TENM3: variants seen among roughly 807,000 people sequenced by gnomAD.
The protein encoded by TENM3 is teneurin transmembrane protein 3, also known as teneurin-3.
Under a neutral mutation model 255.1 loss-of-function variants are expected in TENM3, and 63 were observed. The ratio of observed to expected loss-of-function variants is 0.25; its 90% CI spans 0.20 to 0.30. TENM3 has a LOEUF of 0.30. Among genes scored for constraint, TENM3 ranks in the 10% least tolerant of loss-of-function variants. The pLI is 1.00. For missense variants in TENM3, 2,929 were observed against 3,461.1 expected (o/e 0.85, Z 3.86); for synonymous variants, 1,306 against 1,322.3 (o/e 0.99, Z 0.27).
Position 182,627,821 on chromosome 4 carries a change from A to G in TENM3, c.750-830A>G, listed in dbSNP as rs574040843. ...TACAGTGCTCTTGTCATGTGACCAC[A>G]CAATTTCTGCTTAAACATTGTCAAG... On this transcript the variant is annotated intron_variant, in intron 4 of 27. Coordinates refer to ENST00000511685, the MANE Select transcript of TENM3 (RefSeq NM_001080477.4). 5.9e-5 allele frequency among the ~76,000 whole-genome samples: 9 copies of G among 152,234 alleles called. No individual in the cohort carries two copies. The South Asian group carries it at 1.9e-3, about 32-fold the overall frequency.
chr4:181,579,397 GA>G, the TENM3 span, among the ~76,000 whole-genome samples: 1 of 152,120 alleles, frequency 6.6e-6, no homozygotes. Flanking sequence ...TGTAATTTAA[GA>G]AATCCTAGGA....
At chr4:182,233,394 A>G (rs1756700748) in intron 1 of TENM3, among the ~76,000 whole-genome samples, 5 of 152,208 alleles carry the variant, frequency 3.3e-5, no homozygotes, top group Admixed American at 3.3e-4. Context: ...AACCTGACCG[A>G]CGTATGCTAC....
the TENM3 span, chr4:181,522,635 T>G: frequency 1.8e-6 from 1 of 564,428 alleles, no homozygotes; most frequent in South Asian, 1.7e-5. Context: ...TCTCCAACTA[T>G]GTTGTAGCCA....
At chr4:182,560,763 A>G (rs1743081044) in intron 3 of TENM3, among the ~76,000 whole-genome samples, 2 of 152,342 alleles carry the variant, frequency 1.3e-5, no homozygotes, top group Non-Finnish European at 1.5e-5. Flanking sequence ...GTAGGACATC[A>G]TAAATGAACA....
At chr4:181,844,416 C>T in the TENM3 span, among the ~76,000 whole-genome samples, 37 of 152,146 alleles carry the variant, frequency 2.4e-4, no homozygotes, top group South Asian at 7.3e-3. Context: ...CGCCTGTAAT[C>T]CCAGCACTTT....
chr4:181,557,198 T>C, the TENM3 span, among the ~76,000 whole-genome samples: 2 of 152,108 alleles, frequency 1.3e-5, no homozygotes, highest in Non-Finnish European at 2.9e-5. Flanking sequence ...TAGGTAAAAA[T>C]GTGGAGGAGT....
At position 182,448,995 on chromosome 4, in the gene TENM3, C is replaced by T. The variant is rs1407027659; in HGVS notation, c.511+102066C>T. 5 of 399,792 alleles carry T rather than the reference C, an allele frequency of 1.3e-5. No individual in the cohort carries two copies. The Admixed American group carries it at 1.4e-4, about 11-fold the overall frequency. The allele number at this position is 399,792 out of a possible 1,614,324, so 24.8% of individuals were successfully genotyped here. A position where few individuals can be genotyped will look rare whatever the true frequency, so the allele number is the denominator to read the frequency against. On this transcript the variant is annotated intron_variant, in intron 3 of 27. Transcript: ENST00000511685. ...CGCGCAGCCCGAGCCCGGAGCCAGGCGCTGTAACACGATACGCTCCAGACC... is the reference window on the plus strand; with the variant it reads ...CGCGCAGCCCGAGCCCGGAGCCAGGTGCTGTAACACGATACGCTCCAGACC...
chr4:182,028,583 G>A, the TENM3 span, among the ~76,000 whole-genome samples: 1 of 152,016 alleles, frequency 6.6e-6, no homozygotes, highest in African/African-American at 2.4e-5. Flanking sequence ...AGGCACTTAT[G>A]ACTATAAACT....
the TENM3 span, among the ~76,000 whole-genome samples, chr4:182,080,973 A>G: frequency 3.3e-5 from 5 of 152,126 alleles, no homozygotes; most frequent in African/African-American, 2.4e-5. Context: ...CCTGGGTGAC[A>G]GAGCAACACC....
At chr4:181,914,896 T>C in the TENM3 span, among the ~76,000 whole-genome samples, 2 of 152,148 alleles carry the variant, frequency 1.3e-5, no homozygotes, top group African/African-American at 4.8e-5. Flanking sequence ...GGTACTGGGA[T>C]AGGTTCTTTA....
chr4:182,238,982 A>T (rs4861501), upstream of TENM3, among the ~76,000 whole-genome samples: 1 of 151,514 alleles, frequency 6.6e-6, no homozygotes, highest in Non-Finnish European at 1.5e-5. Flanking sequence ...AATGTTCTTT[A>T]TATAAAAAAT....
In TENM3 at chr4:182,468,824, T is replaced by TTGTGTGTGTGTG. The variant is rs66517986; in HGVS notation, c.511+121931_511+121942dup. Among the ~76,000 whole-genome samples, 47 of 143,864 alleles carry TTGTGTGTGTGTG rather than the reference T, an allele frequency of 3.3e-4. 1 individual carries two copies. Among genetic ancestry groups the TTGTGTGTGTGTG allele is most frequent in the Middle Eastern group, 7.1e-3 (2 of 282 alleles). The allele number at this position is 143,864 out of a possible 152,430, so 94.4% of individuals were successfully genotyped here. On this transcript the variant is annotated intron_variant, in intron 3 of 27. Transcript: ENST00000511685. ...TGAAAATAAAAAAAATCCTGTGTGC[T>TTGTGTGTGTGTG]TGTGTGTGTGTGTGTGTGTGTGTGT... is the stretch of plus-strand genomic sequence containing the variant.
chr4:182,115,445 A>G, the TENM3 span, among the ~76,000 whole-genome samples: 2 of 152,206 alleles, frequency 1.3e-5, no homozygotes, highest in Non-Finnish European at 2.9e-5. Flanking sequence ...CCTTAAATGT[A>G]TCAGGCTCAA....
At chr4:182,484,305 G>T (rs1483024194) in intron 3 of TENM3, among the ~76,000 whole-genome samples, 1 of 152,124 alleles carries the variant, frequency 6.6e-6, no homozygotes, top group Non-Finnish European at 1.5e-5. Context: ...AGTCAGTTGT[G>T]GAGCTAGGAT....
rs1766971835 is a variant in TENM3, at chr4:182,801,574, T to A, written c.*1223T>A. ...GTCTCTTGATGGAGGAGAGACCACA[T>A]CAGATGCTGGGGAAATAGGAGGAGG... is the stretch of plus-strand genomic sequence containing the variant. On this transcript the variant is annotated 3_prime_UTR_variant, in exon 28 of 28. Coordinates refer to ENST00000511685, the MANE Select transcript of TENM3 (RefSeq NM_001080477.4). 6.6e-6 allele frequency: 1 copy of A among 152,222 alleles called. No individual in the cohort carries two copies. Among genetic ancestry groups the A allele is most frequent in the African/African-American group, 2.4e-5 (1 of 41,446 alleles). 9.4% of individuals were successfully genotyped at this position (152,222 alleles called of 1,614,324 possible).
intron 12 of TENM3, among the ~76,000 whole-genome samples, chr4:182,694,901 A>G (rs1462781474): frequency 3.3e-5 from 5 of 152,246 alleles, no homozygotes; most frequent in Non-Finnish European, 7.3e-5. Context: ...TGGTGAAAGA[A>G]TAGTACTTTA....
chr4:182,082,118 T>A, the TENM3 span, among the ~76,000 whole-genome samples: 2 of 152,126 alleles, frequency 1.3e-5, no homozygotes, highest in Admixed American at 6.5e-5. Context: ...ACAAACTGGG[T>A]GACTTATAAA....
chr4:181,582,594 C>G, the TENM3 span, among the ~76,000 whole-genome samples: 1 of 150,710 alleles, frequency 6.6e-6, no homozygotes, highest in Non-Finnish European at 1.5e-5. Flanking sequence ...TTGCAGGGAG[C>G]CGAGATAGTG....
intron 3 of TENM3, among the ~76,000 whole-genome samples, chr4:182,405,292 T>A (rs1324053638): frequency 3.3e-5 from 5 of 152,180 alleles, no homozygotes; most frequent in Admixed American, 6.5e-5. Context: ...GTACTCACAG[T>A]AGATGTTGCG....
Sources: allele counts gnomAD v4.1 joint callset (sites outside exome capture counted in the v4.1 genomes callset), GRCh38; gene constraint gnomAD v4.1.1; transcripts MANE v1.5; gene names NCBI Gene and HGNC (gene_info 2026-07-23, HGNC 2026-07-21).